DIP2C: variants seen among roughly 807,000 people sequenced by gnomAD.
DIP2C encodes disco-interacting protein 2 homolog C.
In DIP2C, 33 loss-of-function variants were observed where a neutral mutation model predicts 192.4. The observed-to-expected ratio is 0.17, with a 90% CI of 0.13 to 0.23. DIP2C has a LOEUF of 0.23. Among genes scored for constraint, DIP2C ranks in the 10% least tolerant of loss-of-function variants. DIP2C has a pLI of 1.00. For missense variants in DIP2C, 1,537 were observed against 2,110.1 expected, an observed-to-expected ratio of 0.73 and a Z score of 5.32; for synonymous variants, 979 against 864.1, an observed-to-expected ratio of 1.13 and a Z score of -2.33.
At chr10:664,082 ACT>A (rs1443830717) in intron 1 of DIP2C, 1 of 147,922 alleles carries the variant, frequency 6.8e-6, no homozygotes, top group Non-Finnish European at 1.5e-5. Flanking sequence ...CAGGGGTGAC[ACT>A]CAGCACCGCA....
At position 384,542 on chromosome 10, in the gene DIP2C, C is replaced by CCA; in HGVS notation, c.1756+2_1756+3dup. 1 of 1,613,550 alleles carries CCA rather than the reference C, an allele frequency of 6.2e-7. No homozygotes were observed. Among genetic ancestry groups the CCA allele is most frequent in the Non-Finnish European group, 8.5e-7 (1 of 1,179,960 alleles). On this transcript the variant is annotated splice_donor_region_variant and intron_variant, in intron 15 of 36. Coordinates refer to ENST00000280886, the MANE Select transcript of DIP2C (RefSeq NM_014974.3). ...TGTGAGCCACTGCGCCCGGCGAGACCCACCTTTGTACTGGCAGACCTTCTG... is the reference window on the plus strand; with the variant it reads ...TGTGAGCCACTGCGCCCGGCGAGACCCACACCTTTGTACTGGCAGACCTTCTG...
rs548346041 is a variant in DIP2C at position 666,455 on chromosome 10, G to C, written c.85+23039C>G. The stretch of plus-strand genomic sequence containing the variant: ...CACTGGCACCCAGAGCCCGGCCCGC[G>C]GCAGCAGAATCACCCAAGACTGAGA... On this transcript the variant is annotated intron_variant, in intron 1 of 36. Coordinates refer to ENST00000280886, the MANE Select transcript of DIP2C (RefSeq NM_014974.3). The surrounding 1 kb of genome is among the most constrained non-coding windows in gnomAD (Gnocchi z 4.1). 1.3e-5 allele frequency: 2 copies of C among 152,190 alleles called. No homozygotes were observed. The highest frequency in any genetic ancestry group is 6.5e-5 in the Admixed American group (1 of 15,278). 9.4% of individuals were successfully genotyped at this position (152,190 alleles called of 1,614,324 possible). A position where few individuals can be genotyped will look rare whatever the true frequency, so the allele number is the denominator to read the frequency against.
chr10:688,573 ACCCCACGTTACAGGAATGG>A (rs2119121499), intron 1 of DIP2C, among the ~76,000 whole-genome samples: 1 of 40,514 alleles, frequency 2.5e-5, no homozygotes, highest in Admixed American at 2.3e-4. Flanking sequence ...CCCCCACCCC[ACCCCACGTTACAGGAATGG>A]CCTGACCAGG....
chr10:610,961 G>C (rs891752197), intron 1 of DIP2C, among the ~76,000 whole-genome samples: 1 of 149,778 alleles, frequency 6.7e-6, no homozygotes, highest in Admixed American at 6.6e-5. Context: ...GGTGGGCCCT[G>C]GTGGGAGGTG....
intron 17 of DIP2C, among the ~76,000 whole-genome samples, chr10:380,262 TGCA>T (rs1471731256): frequency 1.1e-4 from 14 of 129,096 alleles, no homozygotes; most frequent in Non-Finnish European, 1.6e-4. Flanking sequence ...ATGGTTAACG[TGCA>T]GAAGAGGCTG....
chr10:378,456 CAA>C (rs1554836314), intron 17 of DIP2C, among the ~76,000 whole-genome samples: 4 of 152,302 alleles, frequency 2.6e-5, no homozygotes, highest in Non-Finnish European at 2.9e-5. Context: ...CACGTGAACA[CAA>C]ACATGCCTAG....
intron 1 of DIP2C, chr10:650,283 G>A (rs79645637): frequency 2.2e-5 from 16 of 716,902 alleles, no homozygotes; most frequent in East Asian, 2.1e-4. Flanking sequence ...CACTGGATGC[G>A]ATTTCAGGGC....
intron 3 of DIP2C, among the ~76,000 whole-genome samples, chr10:455,125 G>C (rs1263321320): frequency 1.3e-5 from 2 of 152,204 alleles, no homozygotes; most frequent in Non-Finnish European, 2.9e-5. Flanking sequence ...CACAGCAGCA[G>C]AGCAGGAAGA....
rs536485146 is a variant in DIP2C, at chr10:497,126, A to AAATC, written c.86-10600_86-10597dup. ...GCGACTAGAGCAAGACTCCACCTCG[A>AAATC]AATCAATCAATCAATCAATCTCTAC... On this transcript the variant is annotated intron_variant, in intron 1 of 36. Coordinates refer to ENST00000280886, the MANE Select transcript of DIP2C (RefSeq NM_014974.3). Among the ~76,000 whole-genome samples the AAATC allele has an allele frequency of 2.8e-3, 426 of 151,980 alleles. 1 individual carries two copies. Among genetic ancestry groups the AAATC allele is most frequent in the African/African-American group, 9.5e-3 (394 of 41,468 alleles).
Position 384,620 on chromosome 10 carries a change from T to A in DIP2C, c.1682A>T (p.His561Leu). 6.2e-7 allele frequency: 1 copy of A among 1,613,990 alleles called. No homozygotes were observed. The highest frequency in any genetic ancestry group is 8.5e-7 in the Non-Finnish European group (1 of 1,180,024). Residue 561 changes from histidine (H) to leucine (L), a missense_variant, in exon 15 of 37, where the codon CAT (histidine) becomes CTT (leucine). By Grantham distance (99) the His-to-Leu change is moderately conservative. Around this residue, in one of 4 missense-constraint regions of DIP2C, gnomAD observed 677 missense variants for 989.9 expected, o/e 0.68. Coordinates refer to ENST00000280886, the MANE Select transcript of DIP2C (RefSeq NM_014974.3). ...GILTSVMNMM[H>L]VISIPYSLMK... ...CAGCGAGTACGGGATGCTGATCACA[T>A]GCATCATGTTCATGACGCTCTGCAA... is the stretch of plus-strand genomic sequence containing the variant.
At chr10:348,801 C>T (rs1424645447) in intron 25 of DIP2C, 39 bp from the exon 26 acceptor site, 12 of 1,609,016 alleles carry the variant, frequency 7.5e-6, no homozygotes, top group African/African-American at 4.0e-5. Context: ...AAGCAGACCA[C>T]GCTGCTGAGT....
intron 32 of DIP2C, among the ~76,000 whole-genome samples, chr10:300,271 C>A (rs887604746): frequency 1.3e-5 from 2 of 152,106 alleles, no homozygotes; most frequent in Non-Finnish European, 2.9e-5. Flanking sequence ...AATGGATGAG[C>A]CAAGTGTGGT....
intron 1 of DIP2C, among the ~76,000 whole-genome samples, chr10:536,159 C>G (rs1847679737): frequency 6.6e-6 from 1 of 152,346 alleles, no homozygotes; most frequent in South Asian, 2.1e-4. Context: ...TCCTTGCTAC[C>G]TCCTCCAGCA....
At chr10:475,735 A>G (rs565155856) in intron 2 of DIP2C, among the ~76,000 whole-genome samples, 4 of 152,358 alleles carry the variant, frequency 2.6e-5, no homozygotes, top group African/African-American at 4.8e-5. Context: ...TGTTTCCTTC[A>G]TTCATTTTCC....
chr10:558,131 C>T (rs1849008011), intron 1 of DIP2C, among the ~76,000 whole-genome samples: 1 of 152,144 alleles, frequency 6.6e-6, no homozygotes, highest in Non-Finnish European at 1.5e-5. Context: ...GGAAAGATAA[C>T]GCATTGTCTT....
intron 1 of DIP2C, among the ~76,000 whole-genome samples, chr10:538,768 G>A (rs993468232): frequency 2.0e-5 from 3 of 152,214 alleles, no homozygotes; most frequent in Admixed American, 6.5e-5. Context: ...AAAGATAACT[G>A]TACCTATTAA....
At chr10:484,772 A>G (rs1843877376) in intron 2 of DIP2C, 1 of 1,609,640 alleles carries the variant, frequency 6.2e-7, no homozygotes, top group Admixed American at 1.7e-5. Flanking sequence ...TCAGCAAAGC[A>G]GCGCTCACCG....
chr10:394,322 C>T (rs1456786868), intron 10 of DIP2C, among the ~76,000 whole-genome samples: 1 of 151,646 alleles, frequency 6.6e-6, no homozygotes, highest in East Asian at 1.9e-4. Context: ...GGGAAGCCTG[C>T]TCTGTGCTGA....
chr10:389,382 A>G (rs983270391), intron 13 of DIP2C, among the ~76,000 whole-genome samples: 1 of 148,372 alleles, frequency 6.7e-6, no homozygotes, highest in Non-Finnish European at 1.5e-5. Context: ...AGTTCCCTCC[A>G]CTCAAGTTCC....
Sources: gnomAD v4.1 joint callset for allele counts (sites outside exome capture counted in the v4.1 genomes callset) on GRCh38, gnomAD v4.1.1 for gene constraint, gnomAD v4.1.1 regional missense constraint, Gnocchi (gnomAD v3.1) non-coding constraint, MANE v1.5 for transcripts, NCBI Gene and HGNC (gene_info 2026-07-23, HGNC 2026-07-21) for gene names.